The following OSBPL10 variants were observed in gnomAD, a reference collection of about 807,000 sequenced individuals.
OSBPL10 encodes the protein oxysterol-binding protein-related protein 10.
Under a neutral mutation model 81.7 loss-of-function variants are expected in OSBPL10, and 49 were observed. That is an observed-to-expected ratio of 0.60 (90% CI 0.48 to 0.76). OSBPL10 has a LOEUF of 0.76. Ranked by LOEUF, OSBPL10 falls within the 30% of genes least tolerant of loss-of-function variation. The probability of loss-of-function intolerance (pLI) is 0.00; values close to 1 mark genes in which losing one functional copy is unlikely to be tolerated. For synonymous variants in OSBPL10, 419 were observed against 383.6 expected, an observed-to-expected ratio of 1.09 and a Z score of -1.08; for missense variants, 923 against 987.8, an observed-to-expected ratio of 0.93 and a Z score of 0.88.
At chr3:32,008,760 GAAAAAAA>G (rs11328847) in intron 2 of OSBPL10, among the ~76,000 whole-genome samples, 1 of 114,526 alleles carries the variant, frequency 8.7e-6, no homozygotes, top group African/African-American at 3.1e-5. Context: ...ATCCTGACTG[GAAAAAAA>G]AAAAAAAAAA....
intron 2 of OSBPL10, among the ~76,000 whole-genome samples, chr3:32,000,244 C>G (rs1236061480): frequency 1.3e-5 from 2 of 152,144 alleles, no homozygotes; most frequent in African/African-American, 4.8e-5. Context: ...GCTGACGTGA[C>G]AGAATGACAT....
At chr3:31,921,385 G>T (rs1050447930) in intron 1 of OSBPL10, among the ~76,000 whole-genome samples, 2 of 152,230 alleles carry the variant, frequency 1.3e-5, no homozygotes, top group Admixed American at 1.3e-4. Context: ...TAAGACTGGG[G>T]CAGGAAATAA....
chr3:31,964,393 G>A (rs1014478001), intron 1 of OSBPL10, among the ~76,000 whole-genome samples: 1 of 152,096 alleles, frequency 6.6e-6, no homozygotes, highest in African/African-American at 2.4e-5. Context: ...CTGGCCTCAA[G>A]TGATCTGCCC....
intron 5 of OSBPL10, among the ~76,000 whole-genome samples, chr3:31,745,457 A>G (rs561910124): frequency 6.6e-6 from 1 of 152,238 alleles, no homozygotes; most frequent in Non-Finnish European, 1.5e-5. Flanking sequence ...AGCATTTTTC[A>G]TACTATTCTT....
chr3:31,985,560 AG>A (rs1156368705), upstream of OSBPL10, among the ~76,000 whole-genome samples: 5 of 152,244 alleles, frequency 3.3e-5, no homozygotes, highest in Admixed American at 1.3e-4. Flanking sequence ...GTTGTTTCTG[AG>A]GCTCCCTCCT....
chr3:32,050,681 G>T (rs1305800001), intron 1 of OSBPL10, among the ~76,000 whole-genome samples: 1 of 142,352 alleles, frequency 7.0e-6, no homozygotes, highest in Admixed American at 7.2e-5. Flanking sequence ...TTTTTTTTGA[G>T]ATGAAGTTTC....
intron 7 of OSBPL10, among the ~76,000 whole-genome samples, chr3:31,692,707 T>C (rs1412141443): frequency 6.6e-6 from 1 of 152,222 alleles, no homozygotes; most frequent in East Asian, 1.9e-4. Context: ...TTATCTTATG[T>C]AATCTTCTTA....
At chr3:31,685,984 C>A (rs1022435925) in intron 7 of OSBPL10, among the ~76,000 whole-genome samples, 1 of 152,148 alleles carries the variant, frequency 6.6e-6, no homozygotes, top group African/African-American at 2.4e-5. Context: ...GAGATTAATG[C>A]CTTCCTTCAG....
At chr3:31,913,159 C>T (rs986794188) in intron 1 of OSBPL10, among the ~76,000 whole-genome samples, 2 of 151,908 alleles carry the variant, frequency 1.3e-5, no homozygotes, top group Non-Finnish European at 2.9e-5. Context: ...GACTATAATA[C>T]CACCCCTGGA....
At chr3:31,870,471 T>C (rs1398310809) in intron 3 of OSBPL10, among the ~76,000 whole-genome samples, 1 of 152,214 alleles carries the variant, frequency 6.6e-6, no homozygotes, top group Non-Finnish European at 1.5e-5. Context: ...CACCCAGTCC[T>C]ATCAACCACC....
At chr3:31,801,508 G>A (rs1575554113) in intron 4 of OSBPL10, among the ~76,000 whole-genome samples, 1 of 152,192 alleles carries the variant, frequency 6.6e-6, no homozygotes, top group South Asian at 2.1e-4. Context: ...TGTGAGTGTG[G>A]GTGAAACAGA....
Position 32,065,075 on chromosome 3 carries a change from C to T in OSBPL10, n.185+12321G>A, listed in dbSNP as rs370416597. On this transcript the variant is annotated intron_variant and non_coding_transcript_variant, in intron 1 of 3. Transcript: ENST00000479173. ...AATTTTTCTTTCTTTTTAAATAGCT[C>T]CTTATCTGCAGCTTTTCTAAAAGTG... 8.6e-4 allele frequency: 80 copies of T among 92,938 alleles called. 30 individuals carry two copies. Among genetic ancestry groups the T allele is most frequent in the South Asian group, 4.2e-3 (10 of 2,388 alleles). The allele number at this position is 92,938 out of a possible 1,614,324, so 5.8% of individuals were successfully genotyped here. A position where few individuals can be genotyped will look rare whatever the true frequency, so the allele number is the denominator to read the frequency against.
At chr3:31,722,123 C>G (rs552894363) in intron 6 of OSBPL10, among the ~76,000 whole-genome samples, 3 of 152,292 alleles carry the variant, frequency 2.0e-5, no homozygotes, top group Admixed American at 6.5e-5. Context: ...CTGCCACCCC[C>G]TCAAAATACC....
intron 1 of OSBPL10, among the ~76,000 whole-genome samples, chr3:31,919,801 C>T (rs1352959820): frequency 6.6e-6 from 1 of 152,224 alleles, no homozygotes; most frequent in African/African-American, 2.4e-5. Flanking sequence ...AAGTACAACA[C>T]AGGCACTGCA....
At chr3:31,884,675 AT>A (rs1299940638) in intron 1 of OSBPL10, among the ~76,000 whole-genome samples, 1 of 152,214 alleles carries the variant, frequency 6.6e-6, no homozygotes, top group African/African-American at 2.4e-5. Flanking sequence ...AGTAAACCGT[AT>A]TTCTGGATCG....
chr3:31,995,304 A>G (rs1428832668), intron 2 of OSBPL10, among the ~76,000 whole-genome samples: 2 of 152,202 alleles, frequency 1.3e-5, no homozygotes, highest in African/African-American at 4.8e-5. Context: ...CACATAGGAC[A>G]GACATCCCCA....
intron 3 of OSBPL10, among the ~76,000 whole-genome samples, chr3:31,868,746 G>A (rs1050501489): frequency 2.0e-5 from 3 of 152,020 alleles, no homozygotes; most frequent in Non-Finnish European, 2.9e-5. Flanking sequence ...AAATTTTCTT[G>A]TATGAATGTC....
rs140075720 is a variant in OSBPL10 at position 32,076,453 on chromosome 3, G to A, written n.185+943C>T. Among the ~76,000 whole-genome samples the A allele has an allele frequency of 4.0e-3, 609 of 151,986 alleles. 3 individuals are homozygous for A. The highest frequency in any genetic ancestry group is 8.9e-3 in the South Asian group (43 of 4,812). On this transcript the variant is annotated intron_variant and non_coding_transcript_variant, in intron 1 of 3. Coordinates refer to the OSBPL10 transcript ENST00000479173. ...GCACCCAGGTGAAATAAACAGCCTCGTTGCTCACACAAAGCCTGTTTGGTG... is the reference window on the plus strand; with the variant it reads ...GCACCCAGGTGAAATAAACAGCCTCATTGCTCACACAAAGCCTGTTTGGTG...
At chr3:31,860,761 C>T (rs1005309752) in intron 3 of OSBPL10, among the ~76,000 whole-genome samples, 2 of 151,980 alleles carry the variant, frequency 1.3e-5, no homozygotes, top group Non-Finnish European at 2.9e-5. Context: ...CTGCAGCCTC[C>T]GTCTCCTGGG....
Sources: gnomAD v4.1 joint callset for allele counts (sites outside exome capture counted in the v4.1 genomes callset) on GRCh38, gnomAD v4.1.1 for gene constraint, MANE v1.5 for transcripts, NCBI Gene and HGNC (gene_info 2026-07-23, HGNC 2026-07-21) for gene names.